The following SULF2 variants were observed in gnomAD, a reference collection of about 807,000 sequenced individuals.
The protein encoded by SULF2 is sulfatase 2.
In SULF2, 52 loss-of-function variants were observed where a neutral mutation model predicts 107.7. The observed-to-expected ratio is 0.48, with a 90% CI of 0.39 to 0.61. SULF2 has a LOEUF of 0.61. Among genes scored for constraint, SULF2 ranks in the 20% least tolerant of loss-of-function variants. The pLI, the probability that SULF2 is intolerant of heterozygous loss-of-function variation, is 0.00. For synonymous variants in SULF2, 460 were observed against 464.3 expected (o/e 0.99, Z 0.12); for missense variants, 993 against 1,177.3 (o/e 0.84, Z 2.29).
At chr20:47,729,460 T>C (rs1186392705) in intron 3 of SULF2, among the ~76,000 whole-genome samples, 1 of 152,066 alleles carries the variant, frequency 6.6e-6, no homozygotes, top group African/African-American at 2.4e-5. Flanking sequence ...AGGAGAAACC[T>C]GGAACAGGGC....
intron 11 of SULF2, among the ~76,000 whole-genome samples, chr20:47,670,669 T>A (rs1200887253): frequency 4.4e-4 from 2 of 4,592 alleles, no homozygotes; most frequent in Non-Finnish European, 8.8e-4. Flanking sequence ...GAGAATGGGG[T>A]GACAGCAGGG....
chr20:47,766,240 TCTC>T lies in SULF2; in HGVS notation c.-100-8780_-100-8778del, dbSNP rs1222898630. On this transcript the variant is annotated intron_variant, in intron 1 of 20. Transcript: ENST00000688720. ...TGGCTACAGGCTTTCTCCAGCCTTC[TCTC>T]CTCCTCTTTGGGGCCGTCAAAGAAA... Among the ~76,000 whole-genome samples the T allele has an allele frequency of 2.0e-5, 3 of 152,212 alleles. No individual in the cohort carries two copies. In the East Asian group the frequency reaches 5.8e-4, roughly 29 times the overall value.
In SULF2 at chr20:47,736,723, T is replaced by C. The variant is rs2089739819; in HGVS notation, c.395A>G (p.Asn132Ser). The change falls in exon 3 of 21, where the codon AAT becomes AGT. Residue 132 changes from asparagine (N) to serine (S), a missense_variant. By Grantham distance (46) the Asn-to-Ser change is conservative. Coordinates refer to ENST00000688720, the MANE Select transcript of SULF2 (RefSeq NM_001387048.1). Reference sequence around the variant, plus strand: ...CTCACCTGTCCGGTAGCCAGTGCTATTGAGGTACACGGCAAAGGTGCGGCT... The same window carrying C: ...CTCACCTGTCCGGTAGCCAGTGCTACTGAGGTACACGGCAAAGGTGCGGCT... ...HESRTFAVYL[N>S]STGYRTAFFG... 2.5e-6 allele frequency: 4 copies of C among 1,614,174 alleles called. No individual in the cohort carries two copies. The highest frequency in any genetic ancestry group is 1.3e-5 in the African/African-American group (1 of 75,044).
intron 2 of SULF2, among the ~76,000 whole-genome samples, chr20:47,754,021 T>C (rs969307041): frequency 6.6e-6 from 1 of 152,232 alleles, no homozygotes; most frequent in East Asian, 1.9e-4. Context: ...CGAACTAGTA[T>C]GGCCCTGGAA....
chr20:47,700,214 C>T (rs2088515390), intron 4 of SULF2, among the ~76,000 whole-genome samples: 1 of 152,162 alleles, frequency 6.6e-6, no homozygotes, highest in Non-Finnish European at 1.5e-5. Flanking sequence ...AGCCAGGGGT[C>T]AGCAAACTAC....
Position 47,657,720 on chromosome 20 carries a change from T to A in SULF2, c.*642A>T, listed in dbSNP as rs1019304552. The A allele has an allele frequency of 6.6e-6, 1 of 152,310 alleles. No individual in the cohort carries two copies. Among genetic ancestry groups the A allele is most frequent in the Non-Finnish European group, 1.5e-5 (1 of 68,124 alleles). The allele number at this position is 152,310 out of a possible 1,614,324, so 9.4% of individuals were successfully genotyped here. A position where few individuals can be genotyped will look rare whatever the true frequency, so the allele number is the denominator to read the frequency against. Reference sequence around the variant, plus strand: ...TTATTGACACCACCACTCCTGAAAATTGGGATTTCTTATTAGGTTCCCCTA... The same window carrying A: ...TTATTGACACCACCACTCCTGAAAAATGGGATTTCTTATTAGGTTCCCCTA... On this transcript the variant is annotated 3_prime_UTR_variant, in exon 21 of 21. Transcript: ENST00000688720.
At chr20:47,668,220 G>GA (rs536793939) in intron 11 of SULF2, among the ~76,000 whole-genome samples, 164 of 152,318 alleles carry the variant, frequency 1.1e-3, no homozygotes, top group African/African-American at 3.7e-3. Context: ...CCCAGCTCTA[G>GA]ATTCAGGGGT....
Position 47,674,815 on chromosome 20 carries a change from C to T in SULF2, c.1380+1679G>A, listed in dbSNP as rs532456813. The stretch of plus-strand genomic sequence containing the variant: ...ACTGGGCAGGGCATTCCAGAAGGCA[C>T]GGCACAAGCAGGGACATGGCAACGG... On this transcript the variant is annotated intron_variant, in intron 10 of 20. Coordinates refer to ENST00000688720, the MANE Select transcript of SULF2 (RefSeq NM_001387048.1). 3.1e-3 allele frequency among the ~76,000 whole-genome samples: 466 copies of T among 152,200 alleles called. 2 individuals carry two copies. The highest frequency in any genetic ancestry group is 0.011 in the African/African-American group (445 of 41,540).
intron 3 of SULF2, among the ~76,000 whole-genome samples, chr20:47,715,204 T>A (rs997907660): frequency 1.3e-5 from 2 of 151,890 alleles, no homozygotes; most frequent in Admixed American, 1.3e-4. Context: ...GTTCTGGGAT[T>A]ACAGGTGTGA....
At chr20:47,677,053 GTCCC>G in intron 9 of SULF2, 21 bp downstream of exon 9, 1 of 1,611,200 alleles carries the variant, frequency 6.2e-7, no homozygotes. Flanking sequence ...GGGCAGGGGT[GTCCC>G]TCCCAGGACC....
intron 11 of SULF2, among the ~76,000 whole-genome samples, chr20:47,668,237 A>C (rs1010476776): frequency 9.2e-5 from 14 of 152,282 alleles, no homozygotes; most frequent in Non-Finnish European, 1.9e-4. Flanking sequence ...GGGTCCCTAA[A>C]CCATGGCCTA....
intron 8 of SULF2, 57 bp from the exon 9 acceptor site, chr20:47,677,191 C>A (rs952475241): frequency 1.9e-6 from 3 of 1,593,970 alleles, no homozygotes; most frequent in Non-Finnish European, 1.7e-6. Flanking sequence ...CACGACCCCC[C>A]GTTCCCCCAG....
At chr20:47,751,755 A>G (rs1295656174) in intron 2 of SULF2, among the ~76,000 whole-genome samples, 1 of 152,202 alleles carries the variant, frequency 6.6e-6, no homozygotes. Context: ...TTGGGTTTAC[A>G]TCACTCGTAA....
At chr20:47,740,826 G>A (rs979753379) in intron 2 of SULF2, among the ~76,000 whole-genome samples, 1 of 152,086 alleles carries the variant, frequency 6.6e-6, no homozygotes, top group Non-Finnish European at 1.5e-5. Context: ...ATCCATTGAT[G>A]TCATTCGGCT....
In SULF2 at chr20:47,781,213, AGC is replaced by A. The variant is rs569665633; in HGVS notation, c.-101+4128_-101+4129del. On this transcript the variant is annotated intron_variant, in intron 1 of 20. Transcript: ENST00000688720. Reference sequence around the variant, plus strand: ...TGGAAGGGAGAGGCATTGCCCAGGCAGCGTGTTTCCCCAGTCTCCACCTTGGC... The same window carrying A: ...TGGAAGGGAGAGGCATTGCCCAGGCAGTGTTTCCCCAGTCTCCACCTTGGC... Among the ~76,000 whole-genome samples the A allele has an allele frequency of 1.4e-4, 22 of 152,384 alleles. No homozygotes were observed. In the South Asian group the frequency reaches 4.6e-3, roughly 32 times the overall value.
intron 2 of SULF2, among the ~76,000 whole-genome samples, chr20:47,740,580 G>A (rs2089854188): frequency 6.6e-6 from 1 of 152,124 alleles, no homozygotes; most frequent in Non-Finnish European, 1.5e-5. Flanking sequence ...TGCGTGGCTT[G>A]GTTTCCTTCT....
At chr20:47,744,387 A>C (rs1043936913) in intron 2 of SULF2, among the ~76,000 whole-genome samples, 1 of 152,030 alleles carries the variant, frequency 6.6e-6, no homozygotes, top group Non-Finnish European at 1.5e-5. Context: ...ACAGGGTTAC[A>C]CCATGTTGAC....
At chr20:47,699,635 C>T (rs911380034) in intron 4 of SULF2, among the ~76,000 whole-genome samples, 1 of 152,038 alleles carries the variant, frequency 6.6e-6, no homozygotes, top group African/African-American at 2.4e-5. Flanking sequence ...GTACAGTCCC[C>T]GGAGGGTGCT....
intron 1 of SULF2, among the ~76,000 whole-genome samples, chr20:47,778,304 G>C (rs2090761472): frequency 6.6e-6 from 1 of 152,192 alleles, no homozygotes; most frequent in African/African-American, 2.4e-5. Flanking sequence ...TGGTCCCTGG[G>C]GATGGCCCTG....
Sources: gnomAD v4.1 joint callset for allele counts (sites outside exome capture counted in the v4.1 genomes callset) on GRCh38, gnomAD v4.1.1 for gene constraint, MANE v1.5 for transcripts, NCBI Gene and HGNC (gene_info 2026-07-23, HGNC 2026-07-21) for gene names.